The following ENAH variants were observed in gnomAD, a reference collection of about 807,000 sequenced individuals.
ENAH encodes protein enabled homolog.
ENAH carries 23 observed loss-of-function variants against 78.7 expected under a neutral mutation model. That is an observed-to-expected ratio of 0.29 (90% confidence interval 0.21 to 0.41). ENAH has a LOEUF of 0.41. Among genes scored for constraint, ENAH ranks in the 10% least tolerant of loss-of-function variants. The pLI is 1.00. For synonymous variants in ENAH, 226 were observed against 241.0 expected (o/e 0.94, Z 0.58); for missense variants, 544 against 691.0 (o/e 0.79, Z 2.39).
rs1575598072 is a variant in ENAH, at chr1:225,580,746, T to C, written c.6-13332A>G. The stretch of plus-strand genomic sequence containing the variant: ...CAGCCTGGCCAACATGGTGAAACCC[T>C]GTCTCTATTAAAAATACAAAAATTA... On this transcript the variant is annotated intron_variant, in intron 1 of 13. Transcript: ENST00000366843. Among the ~76,000 whole-genome samples the C allele has an allele frequency of 2.0e-5, 3 of 151,926 alleles. No homozygotes were observed. The Middle Eastern group carries it at 0.01, about 517-fold the overall frequency.
intron 1 of ENAH, among the ~76,000 whole-genome samples, chr1:225,617,694 A>ACT (rs1656043665): frequency 6.6e-6 from 1 of 152,180 alleles, no homozygotes; most frequent in Non-Finnish European, 1.5e-5. Context: ...ACTCACTAGT[A>ACT]AGCTTAGGAA....
intron 11 of ENAH, among the ~76,000 whole-genome samples, chr1:225,502,770 A>G (rs1428103848): frequency 1.3e-5 from 2 of 152,134 alleles, no homozygotes; most frequent in African/African-American, 4.8e-5. Context: ...ATTTACTTAG[A>G]TCCATAAAAT....
intron 2 of ENAH, among the ~76,000 whole-genome samples, chr1:225,560,359 G>A (rs1308366980): frequency 2.0e-5 from 3 of 151,964 alleles, no homozygotes; most frequent in Admixed American, 6.6e-5. Flanking sequence ...AGGCATGGTG[G>A]CACATGCCTG....
chr1:225,519,463 T>C lies in ENAH; in HGVS notation c.537A>G (p.Glu179=), dbSNP rs1364731942. 2.5e-6 allele frequency: 4 copies of C among 1,611,994 alleles called. No individual in the cohort carries two copies. Among genetic ancestry groups the C allele is most frequent in the Non-Finnish European group, 3.4e-6 (4 of 1,178,914 alleles). The part of the protein sequence containing the change: ...ERLERERLER[E]RLERERLEQE... ...GTTCCAGTCGCTCCCTCTCCAGCCT[T>C]TCCCTTTCTAACCTCTCTCTCTCCA... The change falls in exon 5 of 14, where the codon GAA becomes GAG. Residue 179 remains glutamate, a synonymous_variant. Transcript: ENST00000366843.
intron 4 of ENAH, among the ~76,000 whole-genome samples, chr1:225,522,454 T>A (rs1264109474): frequency 6.6e-6 from 1 of 152,222 alleles, no homozygotes; most frequent in Non-Finnish European, 1.5e-5. Context: ...TTGTTTGAGA[T>A]ACTGACTACT....
Position 225,612,891 on chromosome 1 carries a change from G to A in ENAH, c.5+39795C>T, listed in dbSNP as rs1382210536. Among the ~76,000 whole-genome samples the A allele has an allele frequency of 1.1e-4, 16 of 152,098 alleles. 1 individual carries two copies. Among genetic ancestry groups the A allele is most frequent in the Admixed American group, 1.0e-3 (16 of 15,272 alleles). On this transcript the variant is annotated intron_variant, in intron 1 of 13. Coordinates refer to ENST00000366843, the MANE Select transcript of ENAH (RefSeq NM_018212.6). ...TAAATGCCAAACTATTGGGGAATGG[G>A]TAAGTCAACCACGATACATTTACAA...
chr1:225,590,592 TC>T (rs964960789), intron 1 of ENAH, among the ~76,000 whole-genome samples: 1 of 151,826 alleles, frequency 6.6e-6, no homozygotes, highest in Non-Finnish European at 1.5e-5. Context: ...CCTATTTTTC[TC>T]CCCCCCATTC....
At chr1:225,628,643 G>T (rs1321407118) in intron 1 of ENAH, among the ~76,000 whole-genome samples, 1 of 152,122 alleles carries the variant, frequency 6.6e-6, no homozygotes, top group African/African-American at 2.4e-5. Context: ...GGGCACAGTG[G>T]CTCACGCCTG....
At position 225,537,676 on chromosome 1, in the gene ENAH, C is replaced by G. The variant is rs114680403; in HGVS notation, c.350-7038G>C. 5.0e-3 allele frequency among the ~76,000 whole-genome samples: 750 copies of G among 151,360 alleles called. 8 individuals are homozygous for G. The highest frequency in any genetic ancestry group is 0.017 in the African/African-American group (711 of 41,272). ...TAGCACTGATGTTACATAAACCTTA[C>G]GTTTTACCTATGAAAGGACATTTCT... On this transcript the variant is annotated intron_variant, in intron 3 of 13. Coordinates refer to ENST00000366843, the MANE Select transcript of ENAH (RefSeq NM_018212.6).
At chr1:225,597,936 C>CTT (rs77379508) in intron 1 of ENAH, among the ~76,000 whole-genome samples, 8,546 of 144,994 alleles carry the variant, frequency 0.059, 317 homozygotes, top group Middle Eastern at 0.12. Flanking sequence ...CTCCACTTAA[C>CTT]TTTTTTTTTT....
intron 4 of ENAH, among the ~76,000 whole-genome samples, chr1:225,526,109 G>A (rs546324243): frequency 1.3e-5 from 2 of 152,214 alleles, no homozygotes; most frequent in Non-Finnish European, 1.5e-5. Flanking sequence ...CGATCAATGA[G>A]TTCCAGCAAA....
Position 225,511,802 on chromosome 1 carries a change from T to C in ENAH, c.1471+9A>G. On this transcript the variant is annotated intron_variant, in intron 10 of 13. Coordinates refer to ENST00000366843, the MANE Select transcript of ENAH (RefSeq NM_018212.6). ...TTTATAAAGGTTAAAATATTTATCTTGAACTTACCAGGTGTACTTGTTGAA... is the reference window on the plus strand; with the variant it reads ...TTTATAAAGGTTAAAATATTTATCTCGAACTTACCAGGTGTACTTGTTGAA... The C allele has an allele frequency of 6.3e-7, 1 of 1,595,216 alleles. No homozygotes were observed.
rs1208254297 is a variant in ENAH, at chr1:225,498,423, A to T, written c.1618-19T>A. On this transcript the variant is annotated intron_variant, in intron 12 of 13. Coordinates refer to ENST00000366843, the MANE Select transcript of ENAH (RefSeq NM_018212.6). ...AAATGTCCTAAAATATTAGAGAAAA[A>T]TACCAGAAATACAGAACAAAATTAC... The T allele has an allele frequency of 2.1e-6, 3 of 1,447,630 alleles. No individual in the cohort carries two copies. Among genetic ancestry groups the T allele is most frequent in the Non-Finnish European group, 1.9e-6 (2 of 1,042,094 alleles). The allele number at this position is 1,447,630 out of a possible 1,614,324, so 89.7% of individuals were successfully genotyped here.
chr1:225,583,193 T>G (rs150549937), intron 1 of ENAH, among the ~76,000 whole-genome samples: 6,610 of 152,130 alleles, frequency 0.043, 236 homozygotes, highest in South Asian at 0.12. Flanking sequence ...TCTCAGCACT[T>G]TGGGAGGCTG....
At chr1:225,545,466 A>G (rs1558789415) in intron 3 of ENAH, among the ~76,000 whole-genome samples, 2 of 152,216 alleles carry the variant, frequency 1.3e-5, no homozygotes, top group African/African-American at 4.8e-5. Context: ...ACTAAATTAC[A>G]TGTTTTAACT....
At chr1:225,601,040 T>C (rs1365432400) in intron 1 of ENAH, among the ~76,000 whole-genome samples, 1 of 152,104 alleles carries the variant, frequency 6.6e-6, no homozygotes, top group Non-Finnish European at 1.5e-5. Flanking sequence ...AGAGGCTATA[T>C]AGTGATGAAA....
chr1:225,558,627 CTTT>C (rs71170091), intron 2 of ENAH, among the ~76,000 whole-genome samples: 14 of 69,240 alleles, frequency 2.0e-4, no homozygotes, highest in Non-Finnish European at 2.5e-4. Flanking sequence ...TAATTTCTGC[CTTT>C]TTTTTTTTTT....
chr1:225,578,549 G>A (rs2096799333), intron 1 of ENAH, among the ~76,000 whole-genome samples: 1 of 152,190 alleles, frequency 6.6e-6, no homozygotes, highest in African/African-American at 2.4e-5. Flanking sequence ...AACCTGCTCT[G>A]TGTGTGCAAC....
chr1:225,496,594 T>G lies in ENAH; in HGVS notation c.*1181A>C, dbSNP rs1411540529. The G allele has an allele frequency of 2.0e-5, 3 of 152,630 alleles. No individual in the cohort carries two copies. Among genetic ancestry groups the G allele is most frequent in the Admixed American group, 1.3e-4 (2 of 15,284 alleles). The allele number at this position is 152,630 out of a possible 1,614,324, so 9.5% of individuals were successfully genotyped here. A position where few individuals can be genotyped will look rare whatever the true frequency, so the allele number is the denominator to read the frequency against. ...CTTTTGAGTTCCACAGTTAAGATAT[T>G]ATGTGAAGCTCAGAATCATGTTTCA... On this transcript the variant is annotated 3_prime_UTR_variant, in exon 14 of 14. Transcript: ENST00000366843.
Sources: gnomAD v4.1 joint callset for allele counts (sites outside exome capture counted in the v4.1 genomes callset) on GRCh38, gnomAD v4.1.1 for gene constraint, MANE v1.5 for transcripts, NCBI Gene and HGNC (gene_info 2026-07-23, HGNC 2026-07-21) for gene names.